RNLS: variants seen among roughly 807,000 people sequenced by gnomAD.
The protein encoded by RNLS is renalase, FAD dependent amine oxidase.
A neutral mutation model predicts 39.8 loss-of-function variants in RNLS; 39 were observed. That is an observed-to-expected ratio of 0.98 (90% CI 0.76 to 1.28). RNLS has a LOEUF of 1.28. RNLS is among the 50% of genes most tolerant of loss of function. The probability of loss-of-function intolerance (pLI) is 0.00; values close to 1 mark genes in which losing one functional copy is unlikely to be tolerated. For synonymous variants in RNLS, 147 were observed against 150.7 expected (o/e 0.98, Z 0.18); for missense variants, 410 against 413.3 (o/e 0.99, Z 0.07).
In RNLS at chr10:88,313,911, T is replaced by C. The variant is rs553549047; in HGVS notation, c.876+555A>G. 1.1e-4 allele frequency among the ~76,000 whole-genome samples: 16 copies of C among 152,302 alleles called. No individual in the cohort carries two copies. In the South Asian group the frequency reaches 3.1e-3, roughly 30 times the overall value. On this transcript the variant is annotated intron_variant, in intron 6 of 6. Transcript: ENST00000331772. ...ATAAGGAGCTTTAAGTTTGAACTAG[T>C]AGAGTGATCAGCAGGTTTAATTTAA...
chr10:88,559,626 A>G (rs573107778), intron 4 of RNLS, among the ~76,000 whole-genome samples: 3 of 150,598 alleles, frequency 2.0e-5, no homozygotes, highest in South Asian at 4.2e-4. Flanking sequence ...TCCCTTTCCC[A>G]CTGAATGTCC....
intron 6 of RNLS, among the ~76,000 whole-genome samples, chr10:88,311,348 T>C (rs1845367752): frequency 6.6e-6 from 1 of 152,206 alleles, no homozygotes; most frequent in Admixed American, 6.5e-5. Context: ...TAATATATCA[T>C]ACTTGTTACA....
chr10:88,554,078 TTACA>T (rs1172257942), intron 4 of RNLS, among the ~76,000 whole-genome samples: 2 of 152,056 alleles, frequency 1.3e-5, no homozygotes, highest in African/African-American at 4.8e-5. Context: ...GTTGTCAGTT[TTACA>T]TACTTCGCCC....
intron 4 of RNLS, among the ~76,000 whole-genome samples, chr10:88,368,283 C>T (rs1019272367): frequency 6.6e-6 from 1 of 151,916 alleles, no homozygotes; most frequent in Non-Finnish European, 1.5e-5. Context: ...CTTTATTATC[C>T]TATTATTTTG....
intron 4 of RNLS, among the ~76,000 whole-genome samples, chr10:88,520,569 T>C (rs113955564): frequency 1.3e-4 from 20 of 152,172 alleles, no homozygotes; most frequent in African/African-American, 4.3e-4. Flanking sequence ...AAATTGATGA[T>C]TGAGGTAGTA....
intron 4 of RNLS, among the ~76,000 whole-genome samples, chr10:88,369,007 C>A (rs1850332461): frequency 6.6e-6 from 1 of 151,946 alleles, no homozygotes. Flanking sequence ...ACTAAAAGCC[C>A]ATATATATTT....
At chr10:88,241,068 G>A in the RNLS span, among the ~76,000 whole-genome samples, 1 of 150,188 alleles carries the variant, frequency 6.7e-6, no homozygotes, top group Non-Finnish European at 1.5e-5. Flanking sequence ...ATTCCATCTG[G>A]ATTGCTTGCT....
intron 4 of RNLS, among the ~76,000 whole-genome samples, chr10:88,450,618 CG>C (rs5786822): frequency 6.6e-6 from 1 of 152,162 alleles, no homozygotes; most frequent in Non-Finnish European, 1.5e-5. Flanking sequence ...GTGAGGAAAA[CG>C]GGGGCCTACA....
At position 88,418,687 on chromosome 10, in the gene RNLS, C is replaced by A. The variant is rs1172748628; in HGVS notation, c.527-55962G>T. Among the ~76,000 whole-genome samples the A allele has an allele frequency of 5.9e-5, 9 of 152,136 alleles. No individual in the cohort carries two copies. In the East Asian group the frequency reaches 1.7e-3, roughly 29 times the overall value. On this transcript the variant is annotated intron_variant, in intron 4 of 6. Coordinates refer to ENST00000331772, the MANE Select transcript of RNLS (RefSeq NM_001031709.3). ...TATTAGCAGAGTTCTCATGGAATTGCACAAGTGGTTCAAGCAGTCAGGATA... is the reference window on the plus strand; with the variant it reads ...TATTAGCAGAGTTCTCATGGAATTGAACAAGTGGTTCAAGCAGTCAGGATA...
rs184532139 is a variant in RNLS at position 88,369,521 on chromosome 10, T to G, written c.527-6796A>C. 7.2e-5 allele frequency among the ~76,000 whole-genome samples: 11 copies of G among 152,320 alleles called. No homozygotes were observed. In the East Asian group the frequency reaches 2.1e-3, roughly 29 times the overall value. On this transcript the variant is annotated intron_variant, in intron 4 of 6. Transcript: ENST00000331772. ...TTCCTTTCAGGTGGCTCTTTTCCCC[T>G]GGTTCCAACTCTCATGGGGCATTGA...
the RNLS span, among the ~76,000 whole-genome samples, chr10:88,204,959 G>C: frequency 6.6e-6 from 1 of 152,142 alleles, no homozygotes; most frequent in African/African-American, 2.4e-5. Context: ...TGTAGCACAC[G>C]GTGGTGAATG....
intron 6 of RNLS, among the ~76,000 whole-genome samples, chr10:88,308,359 A>G (rs1390315856): frequency 2.0e-5 from 3 of 152,186 alleles, no homozygotes; most frequent in Non-Finnish European, 2.9e-5. Context: ...CCTATAGAAT[A>G]AGAGAAAATT....
At chr10:88,516,371 T>C (rs913584807) in intron 4 of RNLS, among the ~76,000 whole-genome samples, 13 of 152,086 alleles carry the variant, frequency 8.5e-5, no homozygotes, top group African/African-American at 2.9e-4. Flanking sequence ...GAGATAAAGC[T>C]GATTTTAAAC....
intron 4 of RNLS, among the ~76,000 whole-genome samples, chr10:88,431,170 G>A (rs549576622): frequency 5.4e-4 from 82 of 151,684 alleles, no homozygotes; most frequent in African/African-American, 1.8e-3. Context: ...GGCTGTTCAG[G>A]TTATCTATTT....
chr10:88,391,484 G>C (rs538396625), intron 4 of RNLS, among the ~76,000 whole-genome samples: 5 of 152,286 alleles, frequency 3.3e-5, no homozygotes, highest in African/African-American at 1.2e-4. Flanking sequence ...CTTGAACCCA[G>C]GAGGTGGAGG....
At chr10:88,429,084 G>A (rs2133800275) in intron 4 of RNLS, among the ~76,000 whole-genome samples, 1 of 151,914 alleles carries the variant, frequency 6.6e-6, no homozygotes, top group South Asian at 2.1e-4. Context: ...AAAAAAATCA[G>A]GGACCAATTC....
the RNLS span, among the ~76,000 whole-genome samples, chr10:88,196,996 TTAATA>T: frequency 6.6e-6 from 1 of 152,230 alleles, no homozygotes; most frequent in Admixed American, 6.5e-5. Context: ...CTCCTTCTAA[TTAATA>T]ATGATTCTGG....
At chr10:88,370,870 TA>T (rs1850507717) in intron 4 of RNLS, among the ~76,000 whole-genome samples, 1 of 152,204 alleles carries the variant, frequency 6.6e-6, no homozygotes, top group African/African-American at 2.4e-5. Flanking sequence ...TCACCTGGAA[TA>T]AATTGAATGT....
chr10:88,220,665 G>C, the RNLS span, among the ~76,000 whole-genome samples: 1 of 152,188 alleles, frequency 6.6e-6, no homozygotes, highest in Non-Finnish European at 1.5e-5. Flanking sequence ...ATTTGTAATA[G>C]AGCTGGGACC....
Sources: allele counts gnomAD v4.1 joint callset (sites outside exome capture counted in the v4.1 genomes callset), GRCh38; gene constraint gnomAD v4.1.1; transcripts MANE v1.5; gene names NCBI Gene and HGNC (gene_info 2026-07-23, HGNC 2026-07-21).